Variants in RBM47 observed in about 807,000 individuals in gnomAD.
RBM47 encodes RNA binding motif protein 47.
RBM47 carries 21 observed loss-of-function variants against 47.1 expected under a neutral mutation model. The ratio of observed to expected loss-of-function variants is 0.45; its 90% confidence interval spans 0.32 to 0.64. The LOEUF is 0.64. Among genes scored for constraint, RBM47 ranks in the 30% least tolerant of loss-of-function variants. The probability of loss-of-function intolerance (pLI) is 0.05; values close to 1 mark genes in which losing one functional copy is unlikely to be tolerated. For missense variants in RBM47, 708 were observed against 870.9 expected (o/e 0.81, Z 2.35); for synonymous variants, 375 against 361.7 (o/e 1.04, Z -0.42).
chr4:40,577,923 A>G (rs1206862916), intron 1 of RBM47, among the ~76,000 whole-genome samples: 2 of 152,182 alleles, frequency 1.3e-5, no homozygotes, highest in East Asian at 3.8e-4. Flanking sequence ...AGATGGGAAG[A>G]TGGCTTGAGC....
chr4:40,429,355 G>T (rs1715532134), intron 6 of RBM47, among the ~76,000 whole-genome samples: 2 of 151,942 alleles, frequency 1.3e-5, no homozygotes, highest in Admixed American at 6.6e-5. Context: ...CAGTAAGAAA[G>T]AAATTTTCTA....
intron 1 of RBM47, among the ~76,000 whole-genome samples, chr4:40,580,412 A>G (rs1391545224): frequency 1.3e-5 from 2 of 152,156 alleles, no homozygotes; most frequent in Non-Finnish European, 2.9e-5. Flanking sequence ...GAGGGCTCCA[A>G]GAATCCTTGA....
At chr4:40,480,684 G>A (rs1560405139) in intron 2 of RBM47, among the ~76,000 whole-genome samples, 2 of 152,100 alleles carry the variant, frequency 1.3e-5, no homozygotes, top group African/African-American at 4.8e-5. Context: ...TCCTCTACCC[G>A]AGGCAGCACT....
intron 2 of RBM47, among the ~76,000 whole-genome samples, chr4:40,493,179 CT>C (rs1722123524): frequency 6.6e-6 from 1 of 152,126 alleles, no homozygotes; most frequent in East Asian, 1.9e-4. Flanking sequence ...AGGATTCCCC[CT>C]ATGAGCTGGG....
At chr4:40,452,937 G>A (rs7677503) in intron 3 of RBM47, among the ~76,000 whole-genome samples, 87,391 of 149,728 alleles carry the variant, frequency 0.58, 26,918 homozygotes, top group Non-Finnish European at 0.67. Flanking sequence ...TCCACTTCCC[G>A]GGTTCAAGCA....
chr4:40,562,825 A>G (rs1730762631), intron 1 of RBM47, among the ~76,000 whole-genome samples: 1 of 152,138 alleles, frequency 6.6e-6, no homozygotes, highest in African/African-American at 2.4e-5. Context: ...TGTTTCATTG[A>G]TAATATATAG....
At chr4:40,534,778 C>CA (rs973268981) in intron 2 of RBM47, among the ~76,000 whole-genome samples, 14 of 151,830 alleles carry the variant, frequency 9.2e-5, no homozygotes, top group Admixed American at 2.6e-4. Flanking sequence ...ACTAAAAATA[C>CA]AAAAAAATTA....
intron 1 of RBM47, among the ~76,000 whole-genome samples, chr4:40,578,217 TTAA>T (rs1214461219): frequency 1.3e-5 from 2 of 152,244 alleles, no homozygotes; most frequent in Non-Finnish European, 2.9e-5. Flanking sequence ...ACTCCCTGCT[TTAA>T]TCCTTAAAGT....
At chr4:40,475,055 A>G (rs1295329797) in intron 2 of RBM47, among the ~76,000 whole-genome samples, 1 of 152,200 alleles carries the variant, frequency 6.6e-6, no homozygotes, top group Non-Finnish European at 1.5e-5. Context: ...TAACTAAACA[A>G]TTATTTATAA....
intron 1 of RBM47, among the ~76,000 whole-genome samples, chr4:40,597,531 G>A (rs1236369320): frequency 1.3e-5 from 2 of 152,044 alleles, no homozygotes; most frequent in African/African-American, 2.4e-5. Context: ...GCAGTGAGGC[G>A]AGATCACGCC....
At chr4:40,426,966 G>GT (rs1377786345) in intron 6 of RBM47, 1 of 152,090 alleles carries the variant, frequency 6.6e-6, no homozygotes, top group Middle Eastern at 3.2e-3. Flanking sequence ...AAAAATCAGT[G>GT]TTTTTCCTTA....
intron 5 of RBM47, among the ~76,000 whole-genome samples, chr4:40,435,076 A>G (rs190847422): frequency 6.6e-6 from 1 of 152,302 alleles, no homozygotes; most frequent in Admixed American, 6.5e-5. Context: ...GACCGGCCTC[A>G]CATTAGATGG....
At chr4:40,597,136 T>G (rs1734826145) in intron 1 of RBM47, among the ~76,000 whole-genome samples, 1 of 152,070 alleles carries the variant, frequency 6.6e-6, no homozygotes, top group Non-Finnish European at 1.5e-5. Context: ...GGCACGCGCC[T>G]GTAGTCCCGG....
chr4:40,493,467 C>A (rs757360431), intron 2 of RBM47, among the ~76,000 whole-genome samples: 12 of 152,070 alleles, frequency 7.9e-5, no homozygotes, highest in African/African-American at 1.4e-4. Flanking sequence ...TCACAAAGAG[C>A]CCTAGGAATG....
At chr4:40,596,674 A>G (rs573204456) in intron 1 of RBM47, among the ~76,000 whole-genome samples, 1 of 152,260 alleles carries the variant, frequency 6.6e-6, no homozygotes, top group African/African-American at 2.4e-5. Context: ...ATCTTCTTTT[A>G]ATCTTCCTCC....
At chr4:40,445,085 T>C (rs961315313) in intron 3 of RBM47, among the ~76,000 whole-genome samples, 2 of 151,558 alleles carry the variant, frequency 1.3e-5, no homozygotes, top group Non-Finnish European at 2.9e-5. Flanking sequence ...CCATCCTGGC[T>C]AACACGGTGA....
chr4:40,566,098 G>GACAGAATAA (rs1731077269), intron 1 of RBM47, among the ~76,000 whole-genome samples: 1 of 151,956 alleles, frequency 6.6e-6, no homozygotes, highest in African/African-American at 2.4e-5. Flanking sequence ...GAAAAAGATG[G>GACAGAATAA]ACAGAATAAA....
chr4:40,578,518 T>C (rs1306194374), intron 1 of RBM47, among the ~76,000 whole-genome samples: 6 of 152,254 alleles, frequency 3.9e-5, no homozygotes, highest in Admixed American at 3.9e-4. Context: ...GTAGAATAAA[T>C]GGCCTCCCTC....
intron 1 of RBM47, among the ~76,000 whole-genome samples, chr4:40,556,905 T>C (rs1298128454): frequency 3.4e-5 from 5 of 148,198 alleles, no homozygotes; most frequent in African/African-American, 1.2e-4. Context: ...AATATATATA[T>C]ATACATTTAC....
Sources: gnomAD v4.1 joint callset for allele counts (sites outside exome capture counted in the v4.1 genomes callset) on GRCh38, gnomAD v4.1.1 for gene constraint, MANE v1.5 for transcripts, NCBI Gene and HGNC (gene_info 2026-07-23, HGNC 2026-07-21) for gene names.